Variants in CUX2 observed in about 807,000 individuals in gnomAD.
CUX2 encodes the protein homeobox protein cut-like 2.
A neutral mutation model predicts 144.8 loss-of-function variants in CUX2; 40 were observed. The ratio of observed to expected loss-of-function variants is 0.28; its 90% CI spans 0.21 to 0.36. The LOEUF is 0.36. CUX2 is among the 10% of genes least tolerant of loss of function. The probability of loss-of-function intolerance (pLI) is 1.00; values close to 1 mark genes in which losing one functional copy is unlikely to be tolerated. For missense variants in CUX2, 1,615 were observed against 1,994.0 expected (o/e 0.81, Z 3.62); for synonymous variants, 827 against 875.6 (o/e 0.94, Z 0.98).
chr12:111,090,876 A>G (rs1301765104), intron 1 of CUX2, among the ~76,000 whole-genome samples: 2 of 151,878 alleles, frequency 1.3e-5, no homozygotes, highest in African/African-American at 4.8e-5. Flanking sequence ...TTCTCATCTC[A>G]GGAGAGGCAC....
intron 2 of CUX2, among the ~76,000 whole-genome samples, chr12:111,216,226 C>T (rs1010503659): frequency 6.6e-6 from 1 of 152,230 alleles, no homozygotes; most frequent in Non-Finnish European, 1.5e-5. Flanking sequence ...TTTGGGGAGT[C>T]CAGTGACCTG....
intron 3 of CUX2, among the ~76,000 whole-genome samples, chr12:111,261,256 G>A (rs1884108696): frequency 6.6e-6 from 1 of 152,186 alleles, no homozygotes; most frequent in Admixed American, 6.5e-5. Context: ...GATGGGGCAG[G>A]TGGCAGCAGC....
At chr12:111,323,233 G>A (rs1177825623) in intron 18 of CUX2, among the ~76,000 whole-genome samples, 1 of 152,250 alleles carries the variant, frequency 6.6e-6, no homozygotes, top group Non-Finnish European at 1.5e-5. Flanking sequence ...CCTGCCCACT[G>A]AGAAGGGCAG....
At position 111,059,080 on chromosome 12, in the gene CUX2, C is replaced by T. The variant is rs112937248; in HGVS notation, c.63+24840C>T. 0.04 allele frequency among the ~76,000 whole-genome samples: 6,054 copies of T among 152,284 alleles called. 419 individuals are homozygous for T. The highest frequency in any genetic ancestry group is 0.14 in the African/African-American group (5,789 of 41,530). ...AACATTATTAATTTGTTCCCTTAAC[C>T]GTAAACATCTAGAGGCTCGGAATGC... On this transcript the variant is annotated intron_variant, in intron 1 of 21. Coordinates refer to ENST00000261726, the MANE Select transcript of CUX2 (RefSeq NM_015267.4). This position sits in a 1 kb window ranked among gnomAD's most constrained non-coding sequence, Gnocchi z 5.3.
At chr12:111,329,424 A>C (rs1887989942) in intron 18 of CUX2, among the ~76,000 whole-genome samples, 1 of 151,868 alleles carries the variant, frequency 6.6e-6, no homozygotes, top group African/African-American at 2.4e-5. Context: ...TCTTTCCATC[A>C]CTTCGTCAGA....
chr12:111,135,236 G>A (rs1435348456), intron 1 of CUX2, among the ~76,000 whole-genome samples: 1 of 152,094 alleles, frequency 6.6e-6, no homozygotes, highest in Non-Finnish European at 1.5e-5. Flanking sequence ...TGCAGGGGAG[G>A]GTGGGGTGTG....
In CUX2 at chr12:111,034,574, G is replaced by A. The variant is rs1869322593; in HGVS notation, c.63+334G>A. On this transcript the variant is annotated intron_variant, in intron 1 of 21. Transcript: ENST00000261726. The surrounding 1 kb of genome is among the most constrained non-coding windows in gnomAD (Gnocchi z 4.2). ...GCCTCGGGCAGGGGGCTGCTGGCGG[G>A]AACCCCCGGCGGTCCCCCCTGAGCC... Among the ~76,000 whole-genome samples, 1 of 151,274 alleles carries A rather than the reference G, an allele frequency of 6.6e-6. No individual in the cohort carries two copies. Among genetic ancestry groups the A allele is most frequent in the Non-Finnish European group, 1.5e-5 (1 of 67,720 alleles).
At chr12:111,319,615 C>T (rs1887400025) in intron 16 of CUX2, among the ~76,000 whole-genome samples, 1 of 152,082 alleles carries the variant, frequency 6.6e-6, no homozygotes, top group African/African-American at 2.4e-5. Context: ...ACCTGTAATC[C>T]CAGCTACTCA....
chr12:111,132,723 C>T (rs891432537), intron 1 of CUX2, among the ~76,000 whole-genome samples: 6 of 151,796 alleles, frequency 4.0e-5, no homozygotes, highest in African/African-American at 9.7e-5. Context: ...TCCACCACCA[C>T]GCCCAGCTAA....
At chr12:111,164,973 A>G (rs1254901054) in intron 1 of CUX2, among the ~76,000 whole-genome samples, 1 of 152,206 alleles carries the variant, frequency 6.6e-6, no homozygotes, top group Non-Finnish European at 1.5e-5. Flanking sequence ...GGAGGAGGAC[A>G]GATCAGAGGG....
intron 1 of CUX2, among the ~76,000 whole-genome samples, chr12:111,195,064 A>G (rs1156658607): frequency 6.6e-6 from 1 of 152,158 alleles, no homozygotes; most frequent in Non-Finnish European, 1.5e-5. Flanking sequence ...CCCAAAGTGC[A>G]CCAGAGAAGC....
At chr12:111,261,407 T>C (rs1452647502) in intron 3 of CUX2, among the ~76,000 whole-genome samples, 2 of 115,594 alleles carry the variant, frequency 1.7e-5, no homozygotes, top group African/African-American at 6.7e-5. Context: ...TCTGAATGAA[T>C]TGCCCCCTCC....
At chr12:111,180,491 G>T (rs138682707) in intron 1 of CUX2, among the ~76,000 whole-genome samples, 1 of 152,282 alleles carries the variant, frequency 6.6e-6, no homozygotes, top group Admixed American at 6.5e-5. Flanking sequence ...GGAGAATTTG[G>T]GCCTTTACGA....
chr12:111,263,735 G>T lies in CUX2; in HGVS notation c.223-26G>T. ...AGACACAGATGCCATGGTTACACGT[G>T]ACTCTTTCTCTTGTTGTCTCCAAAG... On this transcript the variant is annotated intron_variant, in intron 3 of 21. Coordinates refer to ENST00000261726, the MANE Select transcript of CUX2 (RefSeq NM_015267.4). The surrounding 1 kb of genome is among the most constrained non-coding windows in gnomAD (Gnocchi z 4.0). The T allele has an allele frequency of 6.3e-7, 1 of 1,588,212 alleles. No individual in the cohort carries two copies. The highest frequency in any genetic ancestry group is 1.1e-5 in the South Asian group (1 of 90,512).
chr12:111,041,724 C>T (rs1869751591), intron 1 of CUX2, among the ~76,000 whole-genome samples: 1 of 152,168 alleles, frequency 6.6e-6, no homozygotes, highest in Non-Finnish European at 1.5e-5. Flanking sequence ...GAGGGAACAC[C>T]CAGTGCCAGG....
chr12:111,180,756 C>G (rs780260223), intron 1 of CUX2, among the ~76,000 whole-genome samples: 1 of 152,214 alleles, frequency 6.6e-6, no homozygotes, highest in Non-Finnish European at 1.5e-5. Flanking sequence ...CTAGTCCTCC[C>G]CCAGCCTCCC....
At chr12:111,060,690 G>C (rs1441945863) in intron 1 of CUX2, among the ~76,000 whole-genome samples, 2 of 152,234 alleles carry the variant, frequency 1.3e-5, no homozygotes, top group African/African-American at 4.8e-5. Context: ...CGGATACTGA[G>C]ACGAGCAAAT....
At chr12:111,232,384 G>A (rs1030670959) in intron 3 of CUX2, among the ~76,000 whole-genome samples, 5 of 152,148 alleles carry the variant, frequency 3.3e-5, no homozygotes, top group Non-Finnish European at 5.9e-5. Flanking sequence ...CACACCTGTA[G>A]TCCCAGCAAC....
intron 1 of CUX2, among the ~76,000 whole-genome samples, chr12:111,109,229 C>G (rs1301098235): frequency 6.6e-6 from 1 of 152,180 alleles, no homozygotes; most frequent in East Asian, 1.9e-4. Context: ...GAAACCGCCC[C>G]TCATCAATTA....
Sources: gnomAD v4.1 joint callset for allele counts (sites outside exome capture counted in the v4.1 genomes callset) on GRCh38, gnomAD v4.1.1 for gene constraint, Gnocchi (gnomAD v3.1) non-coding constraint, MANE v1.5 for transcripts, NCBI Gene and HGNC (gene_info 2026-07-23, HGNC 2026-07-21) for gene names.